Variants in GPR107 observed in about 807,000 individuals in gnomAD.
GPR107 encodes the protein protein GPR107.
GPR107 carries 31 observed loss-of-function variants against 75.5 expected under a neutral mutation model. The ratio of observed to expected loss-of-function variants is 0.41; its 90% confidence interval spans 0.31 to 0.55. GPR107 has a LOEUF of 0.55. Among genes scored for constraint, GPR107 ranks in the 20% least tolerant of loss-of-function variants. GPR107 has a pLI of 0.26. For missense variants in GPR107, 572 were observed against 665.7 expected (o/e 0.86, Z 1.55); for synonymous variants, 267 against 251.3 (o/e 1.06, Z -0.59).
intron 1 of GPR107, among the ~76,000 whole-genome samples, chr9:130,068,066 CT>C (rs10712492): frequency 0.046 from 6,501 of 140,806 alleles, 442 homozygotes; most frequent in African/African-American, 0.15. Context: ...TTCTTGTTTT[CT>C]TTTTTTTTTT....
chr9:130,083,347 T>G lies in GPR107; in HGVS notation c.527-218T>G, dbSNP rs1193943069. 1.3e-4 allele frequency: 46 copies of G among 361,202 alleles called. No homozygotes were observed. The East Asian group carries it at 1.8e-3, about 14-fold the overall frequency. 22.4% of individuals were successfully genotyped at this position (361,202 alleles called of 1,614,324 possible). A position where few individuals can be genotyped will look rare whatever the true frequency, so the allele number is the denominator to read the frequency against. On this transcript the variant is annotated intron_variant, in intron 5 of 17. Coordinates refer to ENST00000347136, the MANE Select transcript of GPR107 (RefSeq NM_020960.5). ...TGAATTCTGTTGTTACTATTACCGGTTACTAGATACCATTTATAATATAAC... is the reference window on the plus strand; with the variant it reads ...TGAATTCTGTTGTTACTATTACCGGGTACTAGATACCATTTATAATATAAC...
intron 1 of GPR107, among the ~76,000 whole-genome samples, chr9:130,059,467 G>A (rs919386694): frequency 3.3e-5 from 5 of 151,902 alleles, no homozygotes; most frequent in African/African-American, 7.3e-5. Context: ...AAGCCTGTGC[G>A]ATAGAGTGAG....
intron 1 of GPR107, among the ~76,000 whole-genome samples, chr9:130,057,495 A>G (rs1589475551): frequency 1.1e-5 from 1 of 92,222 alleles, no homozygotes; most frequent in Non-Finnish European, 2.5e-5. Flanking sequence ...GTGAGACCCT[A>G]TTTCTTAAAA....
chr9:130,119,732 C>G (rs1293784338), intron 14 of GPR107, among the ~76,000 whole-genome samples: 4 of 152,138 alleles, frequency 2.6e-5, no homozygotes, highest in African/African-American at 9.7e-5. Context: ...GAGCCTCACC[C>G]CCGCCAACTG....
At chr9:130,111,634 T>C (rs1016594254) in intron 14 of GPR107, among the ~76,000 whole-genome samples, 2 of 152,146 alleles carry the variant, frequency 1.3e-5, no homozygotes, top group African/African-American at 4.8e-5. Context: ...CATTTGTAGT[T>C]TTCCTTCCTG....
intron 14 of GPR107, among the ~76,000 whole-genome samples, chr9:130,109,531 A>G (rs1831241079): frequency 6.9e-6 from 1 of 145,514 alleles, no homozygotes; most frequent in Non-Finnish European, 1.5e-5. Flanking sequence ...AGGTAGTTTT[A>G]TTATATTTGT....
chr9:130,103,354 G>C lies in GPR107; in HGVS notation c.1132-1066G>C, dbSNP rs988098265. 2.0e-5 allele frequency among the ~76,000 whole-genome samples: 3 copies of C among 152,166 alleles called. No homozygotes were observed. Among genetic ancestry groups the C allele is most frequent in the African/African-American group, 7.2e-5 (3 of 41,442 alleles). On this transcript the variant is annotated intron_variant, in intron 12 of 17. Coordinates refer to ENST00000347136, the MANE Select transcript of GPR107 (RefSeq NM_020960.5). The surrounding 1 kb of genome is among the most constrained non-coding windows in gnomAD (Gnocchi z 4.3). Reference sequence around the variant, plus strand: ...AAAGTGTGGAGGATTACCTTTTACAGCAAGTCAGGCAGAGATTTGGGACCA... The same window carrying C: ...AAAGTGTGGAGGATTACCTTTTACACCAAGTCAGGCAGAGATTTGGGACCA...
At position 130,136,639 on chromosome 9, in the gene GPR107, G is replaced by T. The variant is rs1276194287; in HGVS notation, c.*1518G>T. 1 of 152,212 alleles carries T rather than the reference G, an allele frequency of 6.6e-6. No homozygotes were observed. Among genetic ancestry groups the T allele is most frequent in the Non-Finnish European group, 1.5e-5 (1 of 68,036 alleles). The allele number at this position is 152,212 out of a possible 1,614,324, so 9.4% of individuals were successfully genotyped here. A position where few individuals can be genotyped will look rare whatever the true frequency, so the allele number is the denominator to read the frequency against. On this transcript the variant is annotated 3_prime_UTR_variant, in exon 18 of 18. Transcript: ENST00000347136. The stretch of plus-strand genomic sequence containing the variant: ...GTCACACTCACTGTCCCAAGTTTGG[G>T]AACCTGAAAAAGTCTCCATTCAGAA...
intron 14 of GPR107, among the ~76,000 whole-genome samples, chr9:130,122,893 C>T (rs1434809038): frequency 1.3e-5 from 2 of 152,124 alleles, no homozygotes; most frequent in African/African-American, 2.4e-5. Flanking sequence ...CCCAGCTACT[C>T]AGGAGGCTGA....
At chr9:130,062,677 C>T (rs1255290696) in intron 1 of GPR107, among the ~76,000 whole-genome samples, 1 of 145,100 alleles carries the variant, frequency 6.9e-6, no homozygotes, top group Admixed American at 6.8e-5. Context: ...TTCCTTCCTT[C>T]CTTCCTTCCT....
chr9:130,081,153 A>G (rs1187504855), intron 5 of GPR107, among the ~76,000 whole-genome samples: 4 of 151,888 alleles, frequency 2.6e-5, no homozygotes, highest in Non-Finnish European at 5.9e-5. Context: ...GGTCTAGGCC[A>G]CATTGAGCCG....
At chr9:130,117,190 G>T (rs1831446132) in intron 14 of GPR107, among the ~76,000 whole-genome samples, 1 of 152,062 alleles carries the variant, frequency 6.6e-6, no homozygotes, top group African/African-American at 2.4e-5. Context: ...CAGGTGATCG[G>T]CGCTCCTCAG....
chr9:130,095,949 T>C (rs924503358), intron 9 of GPR107, among the ~76,000 whole-genome samples: 4 of 152,200 alleles, frequency 2.6e-5, no homozygotes, highest in African/African-American at 7.2e-5. Context: ...GCCTCATTTA[T>C]TGAGGCCCAG....
rs1392150858 is a variant in GPR107, at chr9:130,109,773, G to A, written c.1306+2234G>A. 2.0e-5 allele frequency among the ~76,000 whole-genome samples: 3 copies of A among 150,370 alleles called. No homozygotes were observed. In the South Asian group the frequency reaches 6.3e-4, roughly 32 times the overall value. On this transcript the variant is annotated intron_variant, in intron 14 of 17. Transcript: ENST00000347136. Reference sequence around the variant, plus strand: ...TTTAGTAGAGACAGGGTTCCACTATGTTGGCCAGGCTGGTCGCAAACTCCT... The same window carrying A: ...TTTAGTAGAGACAGGGTTCCACTATATTGGCCAGGCTGGTCGCAAACTCCT...
intron 1 of GPR107, among the ~76,000 whole-genome samples, chr9:130,060,235 G>A (rs977709093): frequency 6.6e-6 from 1 of 151,828 alleles, no homozygotes; most frequent in African/African-American, 2.4e-5. Context: ...GCTAATTTTT[G>A]TATTTTTATT....
intron 17 of GPR107, among the ~76,000 whole-genome samples, chr9:130,131,484 T>C (rs879951789): frequency 2.0e-5 from 3 of 152,024 alleles, no homozygotes; most frequent in Admixed American, 6.6e-5. Flanking sequence ...CCTCCTGCGC[T>C]ACCACACACC....
chr9:130,100,570 ATTCT>A (rs1407461691), intron 10 of GPR107, 55 bp from the exon 11 acceptor site: 42 of 1,209,178 alleles, frequency 3.5e-5, no homozygotes, highest in Non-Finnish European at 8.6e-6. Context: ...AAGTTAAAAG[ATTCT>A]TTGTGGAGCC....
intron 1 of GPR107, among the ~76,000 whole-genome samples, chr9:130,070,675 T>TA (rs1290513449): frequency 6.6e-6 from 1 of 152,206 alleles, no homozygotes; most frequent in African/African-American, 2.4e-5. Context: ...CACGAAAGTA[T>TA]AAAAAAGTCA....
At chr9:130,092,619 A>T (rs1830769183) in intron 9 of GPR107, among the ~76,000 whole-genome samples, 1 of 145,638 alleles carries the variant, frequency 6.9e-6, no homozygotes, top group South Asian at 2.2e-4. Context: ...AATTATTATA[A>T]TTTTTTTTTT....
Sources: allele counts gnomAD v4.1 joint callset (sites outside exome capture counted in the v4.1 genomes callset), GRCh38; gene constraint gnomAD v4.1.1; non-coding constraint Gnocchi (gnomAD v3.1); transcripts MANE v1.5; gene names NCBI Gene and HGNC (gene_info 2026-07-23, HGNC 2026-07-21).